ENTPD1: variants seen among roughly 807,000 people sequenced by gnomAD.
ENTPD1 encodes ectonucleoside triphosphate diphosphohydrolase 1.
Under a neutral mutation model 57.0 loss-of-function variants are expected in ENTPD1, and 33 were observed. That is an observed-to-expected ratio of 0.58 (90% confidence interval 0.44 to 0.77). The LOEUF (loss-of-function observed/expected upper bound fraction) is 0.77, where lower values mean the gene tolerates loss of function less well. Ranked by LOEUF, ENTPD1 falls within the 30% of genes least tolerant of loss-of-function variation. The pLI is 0.00. For missense variants in ENTPD1, 501 were observed against 603.4 expected, an observed-to-expected ratio of 0.83 and a Z score of 1.78; for synonymous variants, 202 against 218.8, an observed-to-expected ratio of 0.92 and a Z score of 0.68.
rs760388886 is a variant in ENTPD1, at chr10:95,844,516, G to T, written c.454G>T (p.Val152Leu). The change falls in exon 5 of 10, where the codon GTG becomes TTG. Residue 152 changes from valine (V) to leucine (L), a missense_variant. Physicochemically the swap from Val to Leu is conservative, Grantham distance 32. Transcript: ENST00000371205. ...EELADRVLDV[V>L]ERSLSNYPFD... Reference sequence around the variant, plus strand: ...GTTGGCAGACAGGGTTCTGGATGTGGTGGAGAGGAGCCTCAGCAACTACCC... The same window carrying T: ...GTTGGCAGACAGGGTTCTGGATGTGTTGGAGAGGAGCCTCAGCAACTACCC... 10 of 1,614,100 alleles carry T rather than the reference G, an allele frequency of 6.2e-6. No individual in the cohort carries two copies. The African/African-American group carries it at 1.3e-4, about 22-fold the overall frequency.
At chr10:95,814,963 C>G (rs748262724) in intron 1 of ENTPD1, among the ~76,000 whole-genome samples, 1 of 152,070 alleles carries the variant, frequency 6.6e-6, no homozygotes, top group Non-Finnish European at 1.5e-5. Context: ...GCCTTTTGCC[C>G]TTTAACTAAC....
intron 1 of ENTPD1, among the ~76,000 whole-genome samples, chr10:95,714,721 C>A (rs1358429530): frequency 1.3e-5 from 2 of 152,058 alleles, no homozygotes; most frequent in African/African-American, 4.8e-5. Flanking sequence ...TACTTTACTT[C>A]ATGGAAGGAA....
chr10:95,776,293 T>C (rs532585328), intron 1 of ENTPD1, among the ~76,000 whole-genome samples: 37 of 152,342 alleles, frequency 2.4e-4, no homozygotes, highest in Admixed American at 6.5e-4. Context: ...TTCCTTTCCA[T>C]GTTTAGTGCT....
Position 95,871,279 on chromosome 10 carries a change from G to A in ENTPD1, c.*4896G>A, listed in dbSNP as rs1367469414. On this transcript the variant is annotated 3_prime_UTR_variant, in exon 10 of 10. Transcript: ENST00000371205. The stretch of plus-strand genomic sequence containing the variant: ...AACTGAAATATAAAATGTGTTTACT[G>A]TAAAATATAATCTGTTTATCTCACC... 1 of 984,716 alleles carries A rather than the reference G, an allele frequency of 1.0e-6. No individual in the cohort carries two copies. Among genetic ancestry groups the A allele is most frequent in the East Asian group, 1.1e-4 (1 of 8,812 alleles). 61.0% of individuals were successfully genotyped at this position (984,716 alleles called of 1,614,324 possible).
intron 1 of ENTPD1, among the ~76,000 whole-genome samples, chr10:95,732,456 T>C (rs2097990252): frequency 6.6e-6 from 1 of 152,208 alleles, no homozygotes; most frequent in African/African-American, 2.4e-5. Flanking sequence ...TTACACTCAG[T>C]TGTAGCAAAA....
chr10:95,750,392 T>C (rs954217608), intron 1 of ENTPD1, among the ~76,000 whole-genome samples: 1 of 152,024 alleles, frequency 6.6e-6, no homozygotes, highest in African/African-American at 2.4e-5. Context: ...ATGAGTTCAT[T>C]TGAAATCTGG....
Position 95,867,765 on chromosome 10 carries a change from T to C in ENTPD1, c.*1382T>C, listed in dbSNP as rs1235902595. The C allele has an allele frequency of 3.0e-6, 3 of 985,276 alleles. No homozygotes were observed. The African/African-American group carries it at 5.2e-5, about 17-fold the overall frequency. The allele number at this position is 985,276 out of a possible 1,614,324, so 61.0% of individuals were successfully genotyped here. ...GACCTTGTCCCAAGCTCTCCATCTC[T>C]AGATCTGGGGACTGACTGTTGAGCT... is the stretch of plus-strand genomic sequence containing the variant. On this transcript the variant is annotated 3_prime_UTR_variant, in exon 10 of 10. Transcript: ENST00000371205.
At chr10:95,847,361 G>C (rs1191450493) in intron 6 of ENTPD1, 85 bp from the exon 7 acceptor site, 1 of 1,510,954 alleles carries the variant, frequency 6.6e-7, no homozygotes, top group Non-Finnish European at 9.2e-7. Flanking sequence ...ATGTTGTACA[G>C]TGCCTACATA....
In ENTPD1 at chr10:95,791,909, G is replaced by C. The variant is rs759268339; in HGVS notation, c.17-31328G>C. Among the ~76,000 whole-genome samples, 2 of 152,112 alleles carry C rather than the reference G, an allele frequency of 1.3e-5. No individual in the cohort carries two copies. Among genetic ancestry groups the C allele is most frequent in the Admixed American group, 6.5e-5 (1 of 15,268 alleles). The stretch of plus-strand genomic sequence containing the variant: ...TGAAAAAGAGAAATCATGTTCATGG[G>C]GGGTATTTTAGAAGTCAGCATGGTG... On this transcript the variant is annotated intron_variant, in intron 1 of 9. Transcript: ENST00000371205. This position sits in a 1 kb window ranked among gnomAD's most constrained non-coding sequence, Gnocchi z 4.1.
chr10:95,842,189 T>C (rs1277331426), intron 3 of ENTPD1, among the ~76,000 whole-genome samples, 155 bp from the exon 4 acceptor site: 3 of 152,204 alleles, frequency 2.0e-5, no homozygotes, highest in African/African-American at 7.2e-5. Context: ...CTAGGTCCAG[T>C]GAATTACCCT....
intron 1 of ENTPD1, among the ~76,000 whole-genome samples, chr10:95,820,475 A>T (rs1430755355): frequency 6.6e-6 from 1 of 152,226 alleles, no homozygotes. Flanking sequence ...TGACAAGAAG[A>T]AGTTAGTAAA....
rs2098471261 is a variant in ENTPD1 at position 95,864,803 on chromosome 10, T to A, written c.1268T>A (p.Leu423His). ...CFSGTYILSLLLQGYHFTADS... is the reference protein window; with the variant it reads ...CFSGTYILSLHLQGYHFTADS... ...TCTGGTACCTACATTCTCTCCCTCCTTCTGCAAGGCTATCATTTCACAGCT... is the reference window on the plus strand; with the variant it reads ...TCTGGTACCTACATTCTCTCCCTCCATCTGCAAGGCTATCATTTCACAGCT... Residue 423 changes from leucine to histidine, a missense_variant, in exon 9 of 10, where the codon CTT becomes CAT. Transcript: ENST00000371205. 11 of 1,614,152 alleles carry A rather than the reference T, an allele frequency of 6.8e-6. No individual in the cohort carries two copies. The highest frequency in any genetic ancestry group is 8.5e-6 in the Non-Finnish European group (10 of 1,180,026).
At chr10:95,848,937 G>A (rs948861662) in intron 7 of ENTPD1, among the ~76,000 whole-genome samples, 4 of 152,072 alleles carry the variant, frequency 2.6e-5, no homozygotes, top group African/African-American at 9.7e-5. Context: ...TGGGGTATGT[G>A]CCTGTTAGAG....
chr10:95,758,562 CTCA>C (rs2098040797), intron 1 of ENTPD1, among the ~76,000 whole-genome samples: 1 of 152,202 alleles, frequency 6.6e-6, no homozygotes, highest in African/African-American at 2.4e-5. Flanking sequence ...TAAGGTGGCA[CTCA>C]TCATACTTGT....
intron 2 of ENTPD1, among the ~76,000 whole-genome samples, chr10:95,833,267 GTAAC>G (rs1363800275): frequency 6.6e-6 from 1 of 152,080 alleles, no homozygotes; most frequent in African/African-American, 2.4e-5. Context: ...GGTTACAATG[GTAAC>G]TTTTATGTTA....
the ENTPD1 span, among the ~76,000 whole-genome samples, chr10:95,704,275 AAAAATTGAC>A: frequency 6.6e-6 from 1 of 152,198 alleles, no homozygotes; most frequent in Non-Finnish European, 1.5e-5. Flanking sequence ...ATTTTTGGGT[AAAAATTGAC>A]ATGCTGATTT....
intron 7 of ENTPD1, among the ~76,000 whole-genome samples, chr10:95,848,408 C>T (rs866227619): frequency 5.5e-4 from 83 of 152,150 alleles, no homozygotes; most frequent in African/African-American, 1.7e-3. Context: ...CAGGCAGAAT[C>T]GGGGGAGAGG....
At chr10:95,699,606 C>CA in the ENTPD1 span, among the ~76,000 whole-genome samples, 320 of 99,624 alleles carry the variant, frequency 3.2e-3, 2 homozygotes, top group Admixed American at 0.011. Context: ...AAATCCTGTC[C>CA]AAAAAAAAAG....
intron 3 of ENTPD1, among the ~76,000 whole-genome samples, chr10:95,841,435 G>A: frequency 6.6e-6 from 1 of 152,044 alleles, no homozygotes; most frequent in East Asian, 1.9e-4. Context: ...TATCCCATGA[G>A]CGTTTGGCCT....
Sources: allele counts gnomAD v4.1 joint callset (sites outside exome capture counted in the v4.1 genomes callset), GRCh38; gene constraint gnomAD v4.1.1; non-coding constraint Gnocchi (gnomAD v3.1); transcripts MANE v1.5; gene names NCBI Gene and HGNC (gene_info 2026-07-23, HGNC 2026-07-21).